SLC12A5: variants seen among roughly 807,000 people sequenced by gnomAD.
The protein encoded by SLC12A5 is solute carrier family 12 member 5.
SLC12A5 carries 18 observed loss-of-function variants against 124.0 expected under a neutral mutation model. That is an observed-to-expected ratio of 0.15 (90% CI 0.10 to 0.22). The LOEUF is 0.22. Ranked by LOEUF, SLC12A5 falls within the 10% of genes least tolerant of loss-of-function variation. The pLI is 1.00. For synonymous variants in SLC12A5, 589 were observed against 568.0 expected (o/e 1.04, Z -0.53); for missense variants, 867 against 1,478.7 (o/e 0.59, Z 6.78).
chr20:46,046,036 T>C, intron 13 of SLC12A5, 40 bp downstream of exon 13: 1 of 1,573,076 alleles, frequency 6.4e-7, no homozygotes, highest in South Asian at 1.1e-5. Context: ...TGGTTCAGGG[T>C]GTTTCTCTAT....
intron 1 of SLC12A5, 172 bp from the exon 2 acceptor site, chr20:46,034,776 A>G: frequency 3.1e-6 from 2 of 639,396 alleles, no homozygotes; most frequent in Non-Finnish European, 5.7e-6. Context: ...CTAGTGCATT[A>G]GGCTCTGTAT....
intron 16 of SLC12A5, 64 bp downstream of exon 16, chr20:46,048,149 A>AG: frequency 7.0e-7 from 1 of 1,419,302 alleles, no homozygotes; most frequent in East Asian, 2.5e-5. Context: ...CTCAGGAGAC[A>AG]GGGGGAAGGG....
At chr20:46,038,676 T>C (rs2084518906) in intron 6 of SLC12A5, among the ~76,000 whole-genome samples, 2 of 152,228 alleles carry the variant, frequency 1.3e-5, no homozygotes, top group Non-Finnish European at 2.9e-5. Context: ...TAACATATGG[T>C]AGGTCCAGAC....
In SLC12A5 at chr20:46,053,715, TC is replaced by T; in HGVS notation, c.2679+10del. 1 of 1,570,220 alleles carries T rather than the reference TC, an allele frequency of 6.4e-7. No individual in the cohort carries two copies. On this transcript the variant is annotated splice_region_variant and intron_variant, in intron 20 of 25. Coordinates refer to ENST00000243964, the MANE Select transcript of SLC12A5 (RefSeq NM_020708.5). This position sits in a 1 kb window ranked among gnomAD's most constrained non-coding sequence, Gnocchi z 4.7. ...AGGTCGAGGTGGTGGAGATGGTGAGTCCCCAGGAGACACCGCTGGGGTTCCA... is the reference window on the plus strand; with the variant it reads ...AGGTCGAGGTGGTGGAGATGGTGAGTCCCAGGAGACACCGCTGGGGTTCCA...
At chr20:46,032,056 G>C (rs920448136) in intron 1 of SLC12A5, among the ~76,000 whole-genome samples, 2 of 152,250 alleles carry the variant, frequency 1.3e-5, no homozygotes, top group African/African-American at 4.8e-5. Flanking sequence ...GCGGGACCCA[G>C]AACTAGCCTA....
chr20:46,025,368 G>A (rs933592711), upstream of SLC12A5, among the ~76,000 whole-genome samples: 1 of 152,100 alleles, frequency 6.6e-6, no homozygotes, highest in Non-Finnish European at 1.5e-5. Context: ...CTCACTGCCC[G>A]GTACCTCAGC....
rs111346767 is a variant in SLC12A5 at position 46,056,544 on chromosome 20, G to A, written c.3090G>A (p.Lys1030=). 5 of 1,614,108 alleles carry A rather than the reference G, an allele frequency of 3.1e-6. No individual in the cohort carries two copies. In the East Asian group the frequency reaches 6.7e-5, roughly 22 times the overall value. Residue 1030 remains lysine, a synonymous_variant, in exon 23 of 26, where the codon AAG becomes AAA. Transcript: ENST00000243964. The surrounding 1 kb of genome is among the most constrained non-coding windows in gnomAD (Gnocchi z 4.3). The part of the protein sequence containing the change: ...GPSPVSSEGI[K]DFFSMKPEWE... ...GTCCTGTCTCCTCTGAGGGCATCAA[G>A]GACTTCTTCAGCATGAAGCCGTACG...
At position 46,056,960 on chromosome 20, in the gene SLC12A5, C is replaced by A. The variant is rs1464455178; in HGVS notation, c.3125+49C>A. 1 of 1,613,456 alleles carries A rather than the reference C, an allele frequency of 6.2e-7. No individual in the cohort carries two copies. ...TTCTCTCTCCTAGGATGGCCAGGGT[C>A]CCTACCCTCCTCACTCTGTTGTGAA... On this transcript the variant is annotated intron_variant, in intron 24 of 25. Coordinates refer to ENST00000243964, the MANE Select transcript of SLC12A5 (RefSeq NM_020708.5). This position sits in a 1 kb window ranked among gnomAD's most constrained non-coding sequence, Gnocchi z 4.3.
Position 46,059,863 on chromosome 20 carries a change from G to A in SLC12A5, c.*2258G>A, listed in dbSNP as rs1294951483. On this transcript the variant is annotated 3_prime_UTR_variant, in exon 26 of 26. Transcript: ENST00000243964. ...TCTATGTGCAGGGCAATGCAATGAA[G>A]TTGAAAACCCTTGTAAATAGGAGAG... is the stretch of plus-strand genomic sequence containing the variant. The A allele has an allele frequency of 2.6e-6, 1 of 384,808 alleles. No homozygotes were observed. Among genetic ancestry groups the A allele is most frequent in the Non-Finnish European group, 4.6e-6 (1 of 217,748 alleles). The allele number at this position is 384,808 out of a possible 1,614,324, so 23.8% of individuals were successfully genotyped here. A position where few individuals can be genotyped will look rare whatever the true frequency, so the allele number is the denominator to read the frequency against.
Position 46,029,338 on chromosome 20 carries a change from C to T in SLC12A5, c.-7C>T, listed in dbSNP as rs1204646029. 6.5e-7 allele frequency: 1 copy of T among 1,545,496 alleles called. No homozygotes were observed. On this transcript the variant is annotated 5_prime_UTR_variant, in exon 1 of 26. Transcript: ENST00000243964. ...GCCATCCCCGGACCAGGGGCCGCGC[C>T]GCCACCATGCTAAACAACCTGACGG... is the stretch of plus-strand genomic sequence containing the variant.
At chr20:46,049,036 G>A (rs2084625318) in intron 16 of SLC12A5, among the ~76,000 whole-genome samples, 1 of 152,148 alleles carries the variant, frequency 6.6e-6, no homozygotes, top group Non-Finnish European at 1.5e-5. Flanking sequence ...CTGAAACCCT[G>A]ACTTAGGTTA....
At chr20:46,048,681 G>A (rs2084621216) in intron 16 of SLC12A5, among the ~76,000 whole-genome samples, 1 of 152,092 alleles carries the variant, frequency 6.6e-6, no homozygotes, top group Admixed American at 6.5e-5. Context: ...GACAAGCCTG[G>A]ACAACATGGC....
chr20:46,033,665 C>T (rs1000736401), intron 1 of SLC12A5, among the ~76,000 whole-genome samples: 1 of 152,160 alleles, frequency 6.6e-6, no homozygotes, highest in East Asian at 1.9e-4. Flanking sequence ...ATCTTCCCCA[C>T]CTCCAAACTC....
chr20:46,029,012 T>C, upstream of SLC12A5: 6 of 619,390 alleles, frequency 9.7e-6, no homozygotes, highest in Non-Finnish European at 1.3e-5. Flanking sequence ...ATCCCCCAGT[T>C]TTTGTGCAAG....
chr20:46,037,695 A>G (rs1468978236), intron 6 of SLC12A5, among the ~76,000 whole-genome samples: 2 of 152,230 alleles, frequency 1.3e-5, no homozygotes, highest in African/African-American at 4.8e-5. Flanking sequence ...CATTTTACAA[A>G]TGAGAAGCTC....
chr20:46,032,468 C>G (rs987338072), intron 1 of SLC12A5, among the ~76,000 whole-genome samples: 3 of 152,212 alleles, frequency 2.0e-5, no homozygotes, highest in African/African-American at 7.2e-5. Flanking sequence ...GATGGGGAGC[C>G]CCGGCTGGGT....
At chr20:46,044,296 G>C (rs970152450) in intron 11 of SLC12A5, among the ~76,000 whole-genome samples, 9 of 152,044 alleles carry the variant, frequency 5.9e-5, no homozygotes, top group African/African-American at 2.2e-4. Context: ...AATAACACAT[G>C]GTTTTTGTAC....
chr20:46,040,138 G>C (rs1438911697), intron 6 of SLC12A5, among the ~76,000 whole-genome samples: 1 of 152,170 alleles, frequency 6.6e-6, no homozygotes. Flanking sequence ...AAAACACTGG[G>C]ATCACAGGTG....
chr20:46,028,985 T>G, upstream of SLC12A5: 1 of 368,006 alleles, frequency 2.7e-6, no homozygotes, highest in Non-Finnish European at 4.2e-6. Flanking sequence ...AAGCACCCCC[T>G]TCATCCCACC....
Sources: gnomAD v4.1 joint callset for allele counts (sites outside exome capture counted in the v4.1 genomes callset) on GRCh38, gnomAD v4.1.1 for gene constraint, Gnocchi (gnomAD v3.1) non-coding constraint, MANE v1.5 for transcripts, NCBI Gene and HGNC (gene_info 2026-07-23, HGNC 2026-07-21) for gene names.